The following ANO6 variants were observed in gnomAD, a reference collection of about 807,000 sequenced individuals.
The protein encoded by ANO6 is anoctamin 6, also known as anoctamin-6.
ANO6 carries 106 observed loss-of-function variants against 117.5 expected under a neutral mutation model. The ratio of observed to expected loss-of-function variants is 0.90; its 90% CI spans 0.77 to 1.06. The LOEUF is 1.06. Ranked by LOEUF, ANO6 falls within the 50% of genes least tolerant of loss-of-function variation. The pLI is 0.00. For synonymous variants in ANO6, 367 were observed against 385.1 expected (o/e 0.95, Z 0.55); for missense variants, 955 against 1,121.1 (o/e 0.85, Z 2.12).
intron 1 of ANO6, among the ~76,000 whole-genome samples, chr12:45,286,476 A>G (rs1938919237): frequency 1.3e-5 from 2 of 152,228 alleles, no homozygotes; most frequent in African/African-American, 4.8e-5. Context: ...TAGAAATACA[A>G]CAGAGAATGC....
At chr12:45,394,738 A>G (rs1312289116) in intron 12 of ANO6, among the ~76,000 whole-genome samples, 2 of 152,230 alleles carry the variant, frequency 1.3e-5, no homozygotes, top group Non-Finnish European at 2.9e-5. Flanking sequence ...CTGCTCCTGA[A>G]TGACTACTGG....
intron 7 of ANO6, among the ~76,000 whole-genome samples, chr12:45,355,133 A>G (rs188423587): frequency 1.4e-3 from 210 of 152,322 alleles, no homozygotes; most frequent in Middle Eastern, 3.4e-3. Flanking sequence ...TTCTAGAGCT[A>G]TTAGACTAAT....
chr12:45,368,768 C>G (rs1406172562), intron 9 of ANO6, among the ~76,000 whole-genome samples: 1 of 152,190 alleles, frequency 6.6e-6, no homozygotes, highest in African/African-American at 2.4e-5. Context: ...GTAGCCTACT[C>G]CATGTAAGTC....
chr12:45,239,686 T>C (rs1428633030), intron 1 of ANO6, among the ~76,000 whole-genome samples: 1 of 152,214 alleles, frequency 6.6e-6, no homozygotes, highest in East Asian at 1.9e-4. Flanking sequence ...GGGCATTTAG[T>C]GCTATAAATT....
chr12:45,439,646 GCTT>G (rs1353700696), intron 19 of ANO6: 1 of 1,118,184 alleles, frequency 8.9e-7, no homozygotes, highest in Non-Finnish European at 1.2e-6. Flanking sequence ...TGATTTAATT[GCTT>G]TTTTTTTTTT....
At chr12:45,218,154 C>T (rs1405832419) in intron 1 of ANO6, among the ~76,000 whole-genome samples, 1 of 152,014 alleles carries the variant, frequency 6.6e-6, no homozygotes, top group Admixed American at 6.6e-5. Flanking sequence ...TCCTCCCCAC[C>T]CTCTAGAAAC....
intron 16 of ANO6, among the ~76,000 whole-genome samples, chr12:45,411,102 A>C (rs1168724944): frequency 6.6e-6 from 1 of 152,236 alleles, no homozygotes; most frequent in Non-Finnish European, 1.5e-5. Context: ...TGGAACTATT[A>C]ACAGCATTTT....
chr12:45,293,543 CTG>C (rs1939176547), intron 1 of ANO6, among the ~76,000 whole-genome samples: 2 of 151,552 alleles, frequency 1.3e-5, no homozygotes, highest in Non-Finnish European at 2.9e-5. Flanking sequence ...GGATGTCCAA[CTG>C]AAAAAAATAC....
intron 3 of ANO6, among the ~76,000 whole-genome samples, chr12:45,332,385 A>G (rs571733059): frequency 2.0e-5 from 3 of 151,856 alleles, no homozygotes; most frequent in Non-Finnish European, 4.4e-5. Context: ...CCAACTTTAA[A>G]TCTATTGATT....
intron 1 of ANO6, among the ~76,000 whole-genome samples, chr12:45,241,842 C>T (rs1947748824): frequency 6.6e-6 from 1 of 152,228 alleles, no homozygotes; most frequent in Admixed American, 6.5e-5. Flanking sequence ...GCTGGATGTC[C>T]ACTCCAGACC....
chr12:45,355,943 G>A (rs1022521640), intron 7 of ANO6, among the ~76,000 whole-genome samples: 2 of 152,194 alleles, frequency 1.3e-5, no homozygotes, highest in East Asian at 3.8e-4. Context: ...AGGCCTCAGA[G>A]TTAAGTAAAT....
intron 9 of ANO6, among the ~76,000 whole-genome samples, chr12:45,374,208 T>A (rs56862230): frequency 0.011 from 1,337 of 122,658 alleles, 23 homozygotes; most frequent in African/African-American, 0.041. Flanking sequence ...GTGGCAATAA[T>A]CAATAGCTTA....
chr12:45,362,883 C>T (rs1215753785), intron 8 of ANO6, among the ~76,000 whole-genome samples: 2 of 152,104 alleles, frequency 1.3e-5, no homozygotes, highest in Non-Finnish European at 2.9e-5. Flanking sequence ...AGCTTACCAA[C>T]AGTTTCATAA....
chr12:45,342,898 G>GTAT (rs1472801777), intron 3 of ANO6, among the ~76,000 whole-genome samples: 3 of 152,080 alleles, frequency 2.0e-5, no homozygotes, highest in Non-Finnish European at 4.4e-5. Context: ...AAAATGGGAG[G>GTAT]TATTGCCCAA....
At chr12:45,374,798 C>T (rs1468449464) in intron 9 of ANO6, among the ~76,000 whole-genome samples, 2 of 152,130 alleles carry the variant, frequency 1.3e-5, no homozygotes, top group Admixed American at 1.3e-4. Flanking sequence ...TGACACAAGA[C>T]AGGGATGCCC....
At chr12:45,329,022 CAG>C (rs1162180787) in intron 2 of ANO6, among the ~76,000 whole-genome samples, 2 of 152,144 alleles carry the variant, frequency 1.3e-5, no homozygotes, top group Non-Finnish European at 2.9e-5. Flanking sequence ...ACAACCGTGT[CAG>C]GGGAGGAATA....
chr12:45,252,450 G>A (rs73293363), intron 1 of ANO6, among the ~76,000 whole-genome samples: 1,958 of 152,292 alleles, frequency 0.013, 36 homozygotes, highest in African/African-American at 0.045. Flanking sequence ...CATCTCCAAA[G>A]AAGCATAATC....
At chr12:45,337,887 T>G (rs1940871909) in intron 3 of ANO6, among the ~76,000 whole-genome samples, 3 of 152,090 alleles carry the variant, frequency 2.0e-5, no homozygotes, top group South Asian at 4.1e-4. Context: ...ATACATAACA[T>G]TTTTATTTAT....
intron 2 of ANO6, among the ~76,000 whole-genome samples, chr12:45,305,096 G>T (rs1251157367): frequency 6.6e-6 from 1 of 152,174 alleles, no homozygotes; most frequent in Non-Finnish European, 1.5e-5. Flanking sequence ...ATGCAAAAAT[G>T]GTAAGTGGTG....
Sources: gnomAD v4.1 joint callset for allele counts (sites outside exome capture counted in the v4.1 genomes callset) on GRCh38, gnomAD v4.1.1 for gene constraint, MANE v1.5 for transcripts, NCBI Gene and HGNC (gene_info 2026-07-23, HGNC 2026-07-21) for gene names.